Variants in RGS9 observed in about 807,000 individuals in gnomAD.
RGS9 encodes the protein regulator of G protein signaling 9.
RGS9 carries 78 observed loss-of-function variants against 102.0 expected under a neutral mutation model. That is an observed-to-expected ratio of 0.76 (90% CI 0.64 to 0.92). The LOEUF (loss-of-function observed/expected upper bound fraction) is 0.92. Among genes scored for constraint, RGS9 ranks in the 40% least tolerant of loss-of-function variants. The probability of loss-of-function intolerance (pLI) is 0.00; values close to 1 mark genes in which losing one functional copy is unlikely to be tolerated. For synonymous variants in RGS9, 353 were observed against 318.6 expected (o/e 1.11, Z -1.15); for missense variants, 833 against 866.1 (o/e 0.96, Z 0.48).
chr17:65,219,052 G>A (rs566955542), intron 17 of RGS9, among the ~76,000 whole-genome samples: 1 of 152,354 alleles, frequency 6.6e-6, no homozygotes, highest in Admixed American at 6.5e-5. Flanking sequence ...AAAGCAGAGG[G>A]GTGGGCAGGG....
At position 65,227,650 on chromosome 17, in the gene RGS9, G is replaced by A; in HGVS notation, c.*243G>A. On this transcript the variant is annotated 3_prime_UTR_variant, in exon 19 of 19. Coordinates refer to ENST00000262406, the MANE Select transcript of RGS9 (RefSeq NM_003835.4). ...CAGAAGAAACGCATGTGGACCAGAAGACTTTCCCTGCTGCCTTAAAACCAA... is the reference window on the plus strand; with the variant it reads ...CAGAAGAAACGCATGTGGACCAGAAAACTTTCCCTGCTGCCTTAAAACCAA... The A allele has an allele frequency of 1.8e-6, 1 of 561,088 alleles. No individual in the cohort carries two copies. Among genetic ancestry groups the A allele is most frequent in the Non-Finnish European group, 3.2e-6 (1 of 312,538 alleles). 34.8% of individuals were successfully genotyped at this position (561,088 alleles called of 1,614,324 possible).
At chr17:65,222,526 C>T (rs1302247736) in intron 17 of RGS9, among the ~76,000 whole-genome samples, 1 of 152,234 alleles carries the variant, frequency 6.6e-6, no homozygotes, top group African/African-American at 2.4e-5. Context: ...TAATGAGCCC[C>T]TGTGGGCCTC....
chr17:65,191,391 G>GT (rs1242195861), intron 11 of RGS9, among the ~76,000 whole-genome samples: 2 of 150,920 alleles, frequency 1.3e-5, no homozygotes, highest in South Asian at 2.1e-4. Context: ...TGTTGTTGTT[G>GT]TTTTTTACCT....
chr17:65,152,525 G>A (rs1443553688), intron 1 of RGS9, among the ~76,000 whole-genome samples: 2 of 152,244 alleles, frequency 1.3e-5, no homozygotes, highest in South Asian at 4.1e-4. Context: ...TTGAAACGCT[G>A]TCATTTCTTT....
At chr17:65,218,283 T>A (rs1455849252) in intron 17 of RGS9, among the ~76,000 whole-genome samples, 1 of 152,224 alleles carries the variant, frequency 6.6e-6, no homozygotes, top group East Asian at 1.9e-4. Flanking sequence ...GGAGGTGTTG[T>A]CTTCCAGCAG....
intron 6 of RGS9, among the ~76,000 whole-genome samples, chr17:65,162,127 C>G (rs979229281): frequency 6.6e-6 from 1 of 152,056 alleles, no homozygotes; most frequent in African/African-American, 2.4e-5. Flanking sequence ...TGTGGTGGCT[C>G]ACGCCTATAA....
chr17:65,177,776 C>A lies in RGS9; in HGVS notation c.627C>A (p.Thr209=), dbSNP rs771114376. Residue 209 remains threonine (T), a synonymous_variant, in exon 9 of 19, where the codon ACC becomes ACA. Coordinates refer to ENST00000262406, the MANE Select transcript of RGS9 (RefSeq NM_003835.4). ...TGGACTACGGCCTGGACCGAGTGAC[C>A]AATCCGAATGAAGTCAAGGTAAACC... ...NVLDYGLDRV[T]NPNEVKVNQK... 1.9e-6 allele frequency: 3 copies of A among 1,614,076 alleles called. No homozygotes were observed. The highest frequency in any genetic ancestry group is 4.5e-5 in the East Asian group (2 of 44,900).
At chr17:65,157,646 C>G (rs990398012) in intron 2 of RGS9, among the ~76,000 whole-genome samples, 4 of 151,930 alleles carry the variant, frequency 2.6e-5, no homozygotes, top group Non-Finnish European at 4.4e-5. Context: ...ACACATGGAG[C>G]CTTCATTCCA....
intron 9 of RGS9, among the ~76,000 whole-genome samples, chr17:65,186,886 G>A (rs1912145113): frequency 6.6e-6 from 1 of 152,182 alleles, no homozygotes; most frequent in African/African-American, 2.4e-5. Flanking sequence ...TTTGAGCAGA[G>A]GGCATAAACC....
At chr17:65,211,794 G>A (rs1223763078) in intron 17 of RGS9, among the ~76,000 whole-genome samples, 2 of 152,232 alleles carry the variant, frequency 1.3e-5, no homozygotes, top group South Asian at 2.1e-4. Flanking sequence ...TAAAACAGAC[G>A]TGGTTCTCTC....
chr17:65,153,075 C>G (rs1910639911), intron 1 of RGS9, among the ~76,000 whole-genome samples: 1 of 152,244 alleles, frequency 6.6e-6, no homozygotes, highest in Admixed American at 6.5e-5. Context: ...TCCACTAACC[C>G]TGGGAGCTGT....
chr17:65,148,704 A>G (rs1237590718), intron 1 of RGS9, among the ~76,000 whole-genome samples: 1 of 151,348 alleles, frequency 6.6e-6, no homozygotes, highest in Non-Finnish European at 1.5e-5. Context: ...TGCAGTTGCT[A>G]TTTTTTTTGT....
chr17:65,137,623 C>G (rs1277930745), intron 1 of RGS9, 26 bp downstream of exon 1: 4 of 1,611,940 alleles, frequency 2.5e-6, no homozygotes, highest in Non-Finnish European at 2.5e-6. Context: ...CACCTGGACC[C>G]TGGGAGGAGG....
chr17:65,151,325 A>G (rs1356574768), intron 1 of RGS9, among the ~76,000 whole-genome samples: 7 of 148,150 alleles, frequency 4.7e-5, no homozygotes, highest in African/African-American at 1.8e-4. Flanking sequence ...AGCCTGGGCG[A>G]CAGAGGAAGA....
chr17:65,214,950 A>C (rs73994756), intron 17 of RGS9, among the ~76,000 whole-genome samples: 4,333 of 152,262 alleles, frequency 0.028, 212 homozygotes, highest in African/African-American at 0.098. Flanking sequence ...TCTGTCTGTG[A>C]ATGCTGCACT....
intron 8 of RGS9, among the ~76,000 whole-genome samples, chr17:65,177,152 GTCCA>G (rs369454296): frequency 4.1e-5 from 5 of 121,482 alleles, no homozygotes; most frequent in Admixed American, 8.2e-5. Context: ...TTATCTGTCC[GTCCA>G]TCCATCCATC....
In RGS9 at chr17:65,215,140, G is replaced by C. The variant is rs143296742; in HGVS notation, c.1407+4535G>C. On this transcript the variant is annotated intron_variant, in intron 17 of 18. Transcript: ENST00000262406. ...TGGAAATCAGGAGCTGAGGAGTGAA[G>C]ACGAGTTAAGAAGTGGTTGCTGTGG... is the stretch of plus-strand genomic sequence containing the variant. Among the ~76,000 whole-genome samples the C allele has an allele frequency of 2.6e-5, 4 of 152,306 alleles. No homozygotes were observed. The East Asian group carries it at 5.8e-4, about 22-fold the overall frequency.
Position 65,227,487 on chromosome 17 carries a change from C to G in RGS9, c.*80C>G. The G allele has an allele frequency of 6.5e-7, 1 of 1,538,902 alleles. No individual in the cohort carries two copies. On this transcript the variant is annotated 3_prime_UTR_variant, in exon 19 of 19. Coordinates refer to ENST00000262406, the MANE Select transcript of RGS9 (RefSeq NM_003835.4). ...GCCATGGTATGGGCCACAGGACACA[C>G]TTGCTCGAGAACCAAAGTGCATTTG...
At chr17:65,152,939 C>A (rs1910635176) in intron 1 of RGS9, among the ~76,000 whole-genome samples, 1 of 152,160 alleles carries the variant, frequency 6.6e-6, no homozygotes, top group Non-Finnish European at 1.5e-5. Context: ...CTGTCATGGG[C>A]CAAATTTCCA....
Sources: gnomAD v4.1 joint callset for allele counts (sites outside exome capture counted in the v4.1 genomes callset) on GRCh38, gnomAD v4.1.1 for gene constraint, MANE v1.5 for transcripts, NCBI Gene and HGNC (gene_info 2026-07-23, HGNC 2026-07-21) for gene names.